ERCC2: variants seen among roughly 807,000 people sequenced by gnomAD.
ERCC2 encodes general transcription and DNA repair factor IIH helicase subunit XPD.
ERCC2 carries 90 observed loss-of-function variants against 99.4 expected under a neutral mutation model. That is an observed-to-expected ratio of 0.91 (90% CI 0.76 to 1.08). The LOEUF (loss-of-function observed/expected upper bound fraction) is 1.08. ERCC2 is among the 50% of genes least tolerant of loss of function. The pLI is 0.00. For missense variants in ERCC2, 993 were observed against 1,038.1 expected, an observed-to-expected ratio of 0.96 and a Z score of 0.60; for synonymous variants, 497 against 432.4, an observed-to-expected ratio of 1.15 and a Z score of -1.85.
At chr19:45,368,504 G>T in intron 5 of ERCC2, 126 bp downstream of exon 5, 1 of 731,682 alleles carries the variant, frequency 1.4e-6, no homozygotes, top group Non-Finnish European at 2.5e-6. Flanking sequence ...ACTGAGACGG[G>T]AATTCTGTGT....
intron 17 of ERCC2, 84 bp from the exon 18 acceptor site, chr19:45,353,418 C>G: frequency 1.1e-6 from 1 of 876,902 alleles, no homozygotes; most frequent in East Asian, 2.6e-5. Context: ...ACTCCCACAT[C>G]ACCATGTCTC....
chr19:45,358,974 A>C (rs1229356132), intron 12 of ERCC2: 5 of 721,988 alleles, frequency 6.9e-6, no homozygotes, highest in East Asian at 2.5e-5. Context: ...ACAGTGAAAA[A>C]AAATCAAGTC....
chr19:45,350,553 T>G lies in ERCC2; in HGVS notation c.*1076A>C. On this transcript the variant is annotated 3_prime_UTR_variant, in exon 23 of 23. Coordinates refer to ENST00000391945, the MANE Select transcript of ERCC2 (RefSeq NM_000400.4). ...GGCACAGCTGGTGACGCAGAACAGG[T>G]GAGGATGGGCTGTGCTTCGGCTCCT... is the stretch of plus-strand genomic sequence containing the variant. The G allele has an allele frequency of 1.2e-6, 2 of 1,612,792 alleles. No individual in the cohort carries two copies. The highest frequency in any genetic ancestry group is 1.7e-6 in the Non-Finnish European group (2 of 1,179,676).
chr19:45,365,790 CA>C (rs112452981), intron 5 of ERCC2, among the ~76,000 whole-genome samples: 94,996 of 148,084 alleles, frequency 0.64, 31,720 homozygotes, highest in African/African-American at 0.87. Context: ...GACTCCCTCT[CA>C]AAAAAAAAAA....
At chr19:45,359,433 G>A (rs1972131363) in intron 12 of ERCC2, among the ~76,000 whole-genome samples, 1 of 152,112 alleles carries the variant, frequency 6.6e-6, no homozygotes, top group Non-Finnish European at 1.5e-5. Flanking sequence ...AGGACATGAG[G>A]CCCGATCTGG....
intron 12 of ERCC2, chr19:45,357,939 G>C (rs1054860914): frequency 1.7e-6 from 1 of 591,794 alleles, no homozygotes; most frequent in African/African-American, 1.8e-5. Flanking sequence ...ATCCCAAGTA[G>C]AGAGCCCACA....
chr19:45,355,736 G>A lies in ERCC2; in HGVS notation c.1480-8C>T. ...ATTGCCACGGCCGATGATCTGGAGAGCAACAGAGGTCACGATAAGCGAGGC... is the reference window on the plus strand; with the variant it reads ...ATTGCCACGGCCGATGATCTGGAGAACAACAGAGGTCACGATAAGCGAGGC... On this transcript the variant is annotated splice_polypyrimidine_tract_variant and splice_region_variant and intron_variant, in intron 15 of 22. Transcript: ENST00000391945. The A allele has an allele frequency of 6.2e-7, 1 of 1,613,626 alleles. No homozygotes were observed. Among genetic ancestry groups the A allele is most frequent in the Non-Finnish European group, 8.5e-7 (1 of 1,179,740 alleles).
Position 45,352,193 on chromosome 19 carries a change from G to A in ERCC2, c.2190+16C>T, listed in dbSNP as rs773200374. On this transcript the variant is annotated intron_variant, in intron 22 of 22. Transcript: ENST00000391945. ...CTCAGCCTGGGAGGGTGCCGGGAGG[G>A]GGACGCAGGCCTCACCCGGTGGAAG... The A allele has an allele frequency of 1.4e-5, 23 of 1,613,068 alleles. No homozygotes were observed. The highest frequency in any genetic ancestry group is 2.2e-5 in the South Asian group (2 of 91,004).
At chr19:45,363,230 G>A (rs888528746) in intron 11 of ERCC2, among the ~76,000 whole-genome samples, 10 of 152,258 alleles carry the variant, frequency 6.6e-5, no homozygotes, top group Admixed American at 1.3e-4. Flanking sequence ...CCATGGGGAC[G>A]CCCCTGCCCT....
At chr19:45,361,353 G>A (rs1369073691) in intron 12 of ERCC2, among the ~76,000 whole-genome samples, 171 bp downstream of exon 12, 2 of 152,028 alleles carry the variant, frequency 1.3e-5, no homozygotes, top group East Asian at 3.9e-4. Context: ...CTGAGCACAA[G>A]GCTTACTCAA....
intron 2 of ERCC2, among the ~76,000 whole-genome samples, chr19:45,369,636 G>A (rs1225432572): frequency 6.6e-6 from 1 of 152,190 alleles, no homozygotes; most frequent in Admixed American, 6.5e-5. Flanking sequence ...GTGAGAAATT[G>A]CAGGTTAAAT....
chr19:45,366,029 G>T (rs749017587), intron 5 of ERCC2, among the ~76,000 whole-genome samples: 1 of 151,768 alleles, frequency 6.6e-6, no homozygotes, highest in Admixed American at 6.6e-5. Flanking sequence ...TTGAGATGAG[G>T]TCTTGCTATG....
At chr19:45,357,432 A>G in intron 14 of ERCC2, 42 bp downstream of exon 14, 1 of 1,609,776 alleles carries the variant, frequency 6.2e-7, no homozygotes, top group Non-Finnish European at 8.5e-7. Context: ...AGGCCCATGG[A>G]GGGAGGTCAG....
rs1280134555 is a variant in ERCC2, at chr19:45,358,686, CAA to C, written c.1238-989_1238-988del. ...CTCCATTTGGTCATCTGAGACTGCT[CAA>C]AAGTCAGCCCCTCCGAGAGGCCCTC... On this transcript the variant is annotated intron_variant, in intron 12 of 22. Transcript: ENST00000391945. The C allele has an allele frequency of 6.1e-6, 4 of 657,066 alleles. No homozygotes were observed. In the East Asian group the frequency reaches 1.1e-4, roughly 18 times the overall value. 40.7% of individuals were successfully genotyped at this position (657,066 alleles called of 1,614,324 possible). A position where few individuals can be genotyped will look rare whatever the true frequency, so the allele number is the denominator to read the frequency against.
rs1971826223 is a variant in ERCC2, at chr19:45,352,199, C to G, written c.2190+10G>C. 6.2e-7 allele frequency: 1 copy of G among 1,613,344 alleles called. No homozygotes were observed. Among genetic ancestry groups the G allele is most frequent in the East Asian group, 2.2e-5 (1 of 44,858 alleles). ...CTGGGAGGGTGCCGGGAGGGGGACG[C>G]AGGCCTCACCCGGTGGAAGGGCTGT... On this transcript the variant is annotated intron_variant, in intron 22 of 22. Coordinates refer to ENST00000391945, the MANE Select transcript of ERCC2 (RefSeq NM_000400.4).
intron 15 of ERCC2, among the ~76,000 whole-genome samples, chr19:45,356,655 C>T (rs571595592): frequency 8.5e-5 from 13 of 152,128 alleles, no homozygotes; most frequent in Non-Finnish European, 1.9e-4. Context: ...ACTAAAATTA[C>T]AAAAATTAGC....
Position 45,364,484 on chromosome 19 carries a change from G to C in ERCC2, c.658C>G (p.Leu220Val), listed in dbSNP as rs375055722. The C allele has an allele frequency of 1.2e-5, 20 of 1,614,010 alleles. No homozygotes were observed. In the African/African-American group the frequency reaches 1.6e-4, roughly 13 times the overall value. Residue 220 changes from leucine to valine, a missense_variant, in exon 8 of 23, where the codon CTG (leucine) becomes GTG (valine). Transcript: ENST00000391945. ...HYLLDPKIADLVSKELARKAV... is the reference protein window; with the variant it reads ...HYLLDPKIADVVSKELARKAV... ...TTGCGGGCCAGTTCCTTGGACACCA[G>C]GTCTGCAATCTTGGGGTCCAGGAGG...
At position 45,370,117 on chromosome 19, in the gene ERCC2, C is replaced by T; in HGVS notation, c.105+16G>A. The T allele has an allele frequency of 6.2e-7, 1 of 1,612,036 alleles. No individual in the cohort carries two copies. The highest frequency in any genetic ancestry group is 8.5e-7 in the Non-Finnish European group (1 of 1,178,734). On this transcript the variant is annotated intron_variant, in intron 2 of 22. Transcript: ENST00000391945. The stretch of plus-strand genomic sequence containing the variant: ...CCACCGGTCGAGTGGGCGGGTCGGG[C>T]CCACCGGCCACCCACCTTGGCGTCC...
intron 5 of ERCC2, among the ~76,000 whole-genome samples, chr19:45,366,816 C>T (rs1972438305): frequency 6.6e-6 from 1 of 152,094 alleles, no homozygotes; most frequent in Non-Finnish European, 1.5e-5. Context: ...AGTCTGTGGG[C>T]CCAGTGTGGG....
Sources: gnomAD v4.1 joint callset for allele counts (sites outside exome capture counted in the v4.1 genomes callset) on GRCh38, gnomAD v4.1.1 for gene constraint, MANE v1.5 for transcripts, NCBI Gene and HGNC (gene_info 2026-07-23, HGNC 2026-07-21) for gene names.